NTRK3: variants seen among roughly 807,000 people sequenced by gnomAD.
NTRK3 encodes the protein NT-3 growth factor receptor.
Under a neutral mutation model 91.7 loss-of-function variants are expected in NTRK3, and 24 were observed. The observed-to-expected ratio is 0.26, with a 90% confidence interval of 0.19 to 0.37. The LOEUF (loss-of-function observed/expected upper bound fraction) is 0.37. Ranked by LOEUF, NTRK3 falls within the 10% of genes least tolerant of loss-of-function variation. The pLI is 1.00. For synonymous variants in NTRK3, 483 were observed against 404.0 expected, an observed-to-expected ratio of 1.20 and a Z score of -2.34; for missense variants, 880 against 1,068.9, an observed-to-expected ratio of 0.82 and a Z score of 2.46.
In NTRK3 at chr15:88,147,418, A is replaced by G; in HGVS notation, c.396-15T>C. ...TTGACAGGTTTCTGCAAGATTGACAAATAAAGGGAAATTTTAAAACAAGTC... is the reference window on the plus strand; with the variant it reads ...TTGACAGGTTTCTGCAAGATTGACAGATAAAGGGAAATTTTAAAACAAGTC... On this transcript the variant is annotated splice_polypyrimidine_tract_variant and intron_variant, in intron 5 of 18. Transcript: ENST00000394480. 1 of 1,611,706 alleles carries G rather than the reference A, an allele frequency of 6.2e-7. No individual in the cohort carries two copies. The highest frequency in any genetic ancestry group is 8.5e-7 in the Non-Finnish European group (1 of 1,177,892).
intron 13 of NTRK3, among the ~76,000 whole-genome samples, chr15:88,035,698 G>A (rs942041326): frequency 1.3e-5 from 2 of 152,138 alleles, no homozygotes; most frequent in Non-Finnish European, 2.9e-5. Flanking sequence ...TCCGGCATGG[G>A]AGAGCACAAG....
At chr15:88,031,740 G>A (rs185686158) in intron 14 of NTRK3, among the ~76,000 whole-genome samples, 87 of 152,276 alleles carry the variant, frequency 5.7e-4, no homozygotes, top group African/African-American at 2.0e-3. Flanking sequence ...AAAGGCTGAT[G>A]GGGGTAGCCC....
At chr15:87,907,769 A>G (rs1385908470) in intron 17 of NTRK3, among the ~76,000 whole-genome samples, 1 of 152,174 alleles carries the variant, frequency 6.6e-6, no homozygotes, top group Non-Finnish European at 1.5e-5. Flanking sequence ...CAAAAAGTGG[A>G]AGGAAGTCAT....
intron 13 of NTRK3, among the ~76,000 whole-genome samples, chr15:88,116,196 T>TGGG (rs987430096): frequency 1.6e-4 from 25 of 152,304 alleles, no homozygotes; most frequent in African/African-American, 5.8e-4. Context: ...GGTGGCAGTT[T>TGGG]GGTTTCGAAC....
chr15:87,878,467 G>A (rs2065054805), intron 18 of NTRK3, among the ~76,000 whole-genome samples: 1 of 152,102 alleles, frequency 6.6e-6, no homozygotes. Flanking sequence ...AGCCTGATAA[G>A]TCTCCAGCTG....
At chr15:88,128,304 T>G (rs939304105) in intron 11 of NTRK3, among the ~76,000 whole-genome samples, 2 of 152,198 alleles carry the variant, frequency 1.3e-5, no homozygotes, top group Admixed American at 1.3e-4. Context: ...CCTGGCCAAG[T>G]GCTCAGGCTC....
intron 14 of NTRK3, among the ~76,000 whole-genome samples, chr15:88,009,246 T>G (rs1022200193): frequency 3.9e-5 from 6 of 152,264 alleles, no homozygotes; most frequent in Non-Finnish European, 8.8e-5. Flanking sequence ...TATTACTATA[T>G]GCAGAACACT....
At chr15:88,114,847 T>C (rs779047940) in intron 13 of NTRK3, among the ~76,000 whole-genome samples, 2 of 152,246 alleles carry the variant, frequency 1.3e-5, no homozygotes, top group Non-Finnish European at 2.9e-5. Context: ...AAACATTAAA[T>C]ACCTACTTTT....
chr15:88,255,914 G>T lies in NTRK3; in HGVS notation c.240C>A (p.Ile80=). The T allele has an allele frequency of 1.2e-6, 2 of 1,611,862 alleles. No homozygotes were observed. The highest frequency in any genetic ancestry group is 2.2e-5 in the South Asian group (2 of 90,910). Reference sequence around the variant, plus strand: ...GCGGCCGCCTGACTTACATGGAAGTGATATTCCTTGAGATGTCCGTGATGT... The same window carrying T: ...GCGGCCGCCTGACTTACATGGAAGTTATATTCCTTGAGATGTCCGTGATGT... The change falls in exon 3 of 19, where the codon ATC becomes ATA. Residue 80 remains isoleucine (I), a synonymous_variant. Coordinates refer to ENST00000394480, the Ensembl canonical transcript of NTRK3. This position sits in a 1 kb window ranked among gnomAD's most constrained non-coding sequence, Gnocchi z 4.3.
intron 5 of NTRK3, among the ~76,000 whole-genome samples, chr15:88,173,590 C>T (rs1208048001): frequency 6.6e-6 from 1 of 152,250 alleles, no homozygotes; most frequent in Non-Finnish European, 1.5e-5. Context: ...GGGGCATTGC[C>T]CATTCACCCA....
intron 5 of NTRK3, among the ~76,000 whole-genome samples, chr15:88,153,902 A>T (rs1435799674): frequency 6.6e-6 from 1 of 151,966 alleles, no homozygotes; most frequent in Admixed American, 6.6e-5. Flanking sequence ...GAGGACTTCG[A>T]TATACGAATT....
chr15:87,870,292 G>C (rs944288138), exon 19 of NTRK3: 1 of 189,698 alleles, frequency 5.3e-6, no homozygotes, highest in Non-Finnish European at 1.1e-5. Flanking sequence ...AGCGGCCTGG[G>C]TGAGATTGGA....
exon 8 of NTRK3, chr15:88,136,542 A>G: frequency 6.2e-7 from 1 of 1,614,012 alleles, no homozygotes; most frequent in Non-Finnish European, 8.5e-7. Flanking sequence ...AGCCATTGCA[A>G]GTGATAACAG....
Position 88,235,156 on chromosome 15 carries a change from G to A in NTRK3, c.248+20750C>T, listed in dbSNP as rs1004102691. ...TCACGGAACTTCTTACTCCTGATAT[G>A]ATTGTACTGATTTCTTTGCTTGCAT... On this transcript the variant is annotated intron_variant, in intron 3 of 18. Transcript: ENST00000394480. The surrounding 1 kb of genome is among the most constrained non-coding windows in gnomAD (Gnocchi z 5.2). Among the ~76,000 whole-genome samples, 6 of 152,184 alleles carry A rather than the reference G, an allele frequency of 3.9e-5. No homozygotes were observed. The highest frequency in any genetic ancestry group is 1.2e-4 in the African/African-American group (5 of 41,440).
At chr15:88,084,546 G>A (rs1002032484) in intron 13 of NTRK3, among the ~76,000 whole-genome samples, 12 of 152,218 alleles carry the variant, frequency 7.9e-5, no homozygotes, top group Non-Finnish European at 1.6e-4. Flanking sequence ...GAGCTCAACT[G>A]TGGACTCTGG....
chr15:87,989,493 G>A (rs939206505), intron 14 of NTRK3, among the ~76,000 whole-genome samples: 7 of 152,082 alleles, frequency 4.6e-5, no homozygotes, highest in Non-Finnish European at 8.8e-5. Flanking sequence ...TCACACACTG[G>A]GGCCTGTTGT....
chr15:87,897,187 T>C (rs568784428), intron 17 of NTRK3, among the ~76,000 whole-genome samples: 3 of 152,260 alleles, frequency 2.0e-5, no homozygotes, highest in South Asian at 2.1e-4. Context: ...AATAGGCCCA[T>C]TGTGATTCTC....
At chr15:87,904,217 C>T (rs936857539) in intron 17 of NTRK3, among the ~76,000 whole-genome samples, 1 of 150,186 alleles carries the variant, frequency 6.7e-6, no homozygotes, top group Non-Finnish European at 1.5e-5. Context: ...GTGGCGCAAT[C>T]TCAGCTCGCT....
At chr15:87,864,802 T>A in exon 19 of NTRK3, 1 of 229,802 alleles carries the variant, frequency 4.4e-6, no homozygotes, top group Non-Finnish European at 8.6e-6. Flanking sequence ...GCTCTCAGTC[T>A]CTCAGCTCAG....
Sources: gnomAD v4.1 joint callset for allele counts (sites outside exome capture counted in the v4.1 genomes callset) on GRCh38, gnomAD v4.1.1 for gene constraint, Gnocchi (gnomAD v3.1) non-coding constraint, MANE v1.5 for transcripts, NCBI Gene and HGNC (gene_info 2026-07-23, HGNC 2026-07-21) for gene names.